The following RIMS2 variants were observed in gnomAD, a reference collection of about 807,000 sequenced individuals.
RIMS2 encodes the protein regulating synaptic membrane exocytosis protein 2.
A neutral mutation model predicts 174.4 loss-of-function variants in RIMS2; 59 were observed. The observed-to-expected ratio is 0.34, with a 90% confidence interval of 0.27 to 0.42. The LOEUF (loss-of-function observed/expected upper bound fraction) is 0.42. Ranked by LOEUF, RIMS2 falls within the 10% of genes least tolerant of loss-of-function variation. The pLI is 1.00. For missense variants in RIMS2, 1,620 were observed against 1,666.3 expected, an observed-to-expected ratio of 0.97 and a Z score of 0.48; for synonymous variants, 606 against 572.5, an observed-to-expected ratio of 1.06 and a Z score of -0.84.
chr8:103,576,518 A>G (rs995573094), intron 1 of RIMS2, among the ~76,000 whole-genome samples: 5 of 152,360 alleles, frequency 3.3e-5, no homozygotes, highest in South Asian at 2.1e-4. Context: ...CGAGACAGCC[A>G]TATGTGAACT....
chr8:103,539,176 C>G (rs1408708915), intron 1 of RIMS2, among the ~76,000 whole-genome samples: 1 of 152,148 alleles, frequency 6.6e-6, no homozygotes, highest in Non-Finnish European at 1.5e-5. Context: ...AGCCACTGCT[C>G]TCCAGCTTGA....
chr8:104,155,907 G>A (rs1441562002), intron 19 of RIMS2, among the ~76,000 whole-genome samples: 1 of 152,096 alleles, frequency 6.6e-6, no homozygotes, highest in Non-Finnish European at 1.5e-5. Flanking sequence ...AAAATTCTAA[G>A]TTATCAAAAA....
At chr8:103,995,703 G>T (rs1205457340) in intron 17 of RIMS2, among the ~76,000 whole-genome samples, 1 of 151,976 alleles carries the variant, frequency 6.6e-6, no homozygotes, top group Admixed American at 6.6e-5. Flanking sequence ...TTTTAGTAAG[G>T]TACCTATGTG....
At chr8:103,895,058 A>G (rs2099269596) in intron 4 of RIMS2, among the ~76,000 whole-genome samples, 1 of 151,090 alleles carries the variant, frequency 6.6e-6, no homozygotes, top group African/African-American at 2.4e-5. Context: ...CTGGACATTT[A>G]TTTTCTTCAG....
intron 19 of RIMS2, among the ~76,000 whole-genome samples, chr8:104,213,736 G>A (rs190084337): frequency 3.9e-5 from 6 of 152,150 alleles, no homozygotes; most frequent in Non-Finnish European, 8.8e-5. Flanking sequence ...AATTAGTTGG[G>A]CGTGGTGGCA....
chr8:104,135,015 A>C (rs1268973917), intron 19 of RIMS2, among the ~76,000 whole-genome samples: 1 of 152,044 alleles, frequency 6.6e-6, no homozygotes, highest in Non-Finnish European at 1.5e-5. Context: ...GGTGCAAAAA[A>C]AATTTGAAAT....
chr8:103,661,278 T>A (rs925492105), intron 1 of RIMS2, among the ~76,000 whole-genome samples: 2 of 152,218 alleles, frequency 1.3e-5, no homozygotes, highest in Non-Finnish European at 2.9e-5. Flanking sequence ...AGTTTTACTA[T>A]TGATGTGCGT....
rs2093705378 is a variant in RIMS2 at position 103,583,087 on chromosome 8, C to G, written c.176+82025C>G. 3.3e-5 allele frequency among the ~76,000 whole-genome samples: 5 copies of G among 152,170 alleles called. No homozygotes were observed. The South Asian group carries it at 1.0e-3, about 32-fold the overall frequency. On this transcript the variant is annotated intron_variant, in intron 1 of 23. Transcript: ENST00000504942. Reference sequence around the variant, plus strand: ...ACCCTCAGCTTTAGGTGGCTCAGAACACAGAGAGAGACACTTTATGTTTGG... The same window carrying G: ...ACCCTCAGCTTTAGGTGGCTCAGAAGACAGAGAGAGACACTTTATGTTTGG...
chr8:104,183,504 C>T lies in RIMS2; in HGVS notation c.3335-61412C>T, dbSNP rs575609525. 1.1e-4 allele frequency among the ~76,000 whole-genome samples: 17 copies of T among 151,404 alleles called. 1 individual carries two copies. Among genetic ancestry groups the T allele is most frequent in the Non-Finnish European group, 2.2e-4 (15 of 67,684 alleles). ...TAATAAGATTGACATTCAAACTAGA[C>T]AATTTTGAATACTAAAATACCAGTA... On this transcript the variant is annotated intron_variant, in intron 19 of 23. Transcript: ENST00000504942.
intron 3 of RIMS2, among the ~76,000 whole-genome samples, chr8:103,829,642 T>C (rs1238338025): frequency 6.6e-6 from 1 of 152,194 alleles, no homozygotes; most frequent in East Asian, 1.9e-4. Context: ...CACTTACAAG[T>C]GGGAGCTAAG....
intron 19 of RIMS2, among the ~76,000 whole-genome samples, chr8:104,076,878 G>A (rs1468998426): frequency 2.7e-5 from 4 of 150,160 alleles, no homozygotes; most frequent in Non-Finnish European, 4.4e-5. Flanking sequence ...GAGCAGTGGC[G>A]TGATCTCAGG....
At chr8:104,084,568 G>A (rs1018885538) in intron 19 of RIMS2, among the ~76,000 whole-genome samples, 2 of 151,088 alleles carry the variant, frequency 1.3e-5, no homozygotes, top group East Asian at 1.9e-4. Flanking sequence ...ATGCCCTTTC[G>A]TTTTTTGTTT....
chr8:104,080,137 G>C (rs141919610), intron 19 of RIMS2, among the ~76,000 whole-genome samples: 230 of 152,072 alleles, frequency 1.5e-3, no homozygotes, highest in African/African-American at 5.3e-3. Flanking sequence ...CTTTGGTTAT[G>C]CCATTCATGT....
Position 104,249,601 on chromosome 8 carries a change from G to T in RIMS2, c.3691+13G>T. On this transcript the variant is annotated intron_variant, in intron 22 of 23. Transcript: ENST00000504942. The stretch of plus-strand genomic sequence containing the variant: ...AAGACACTGCCAGGTAAAAACAAAA[G>T]AGATTTTTCTATTATTGTCCATAAT... The T allele has an allele frequency of 7.0e-7, 1 of 1,430,284 alleles. No homozygotes were observed. The highest frequency in any genetic ancestry group is 9.9e-7 in the Non-Finnish European group (1 of 1,013,352). 88.6% of individuals were successfully genotyped at this position (1,430,284 alleles called of 1,614,324 possible). A position where few individuals can be genotyped will look rare whatever the true frequency, so the allele number is the denominator to read the frequency against.
At chr8:103,630,455 CAGTTTT>C (rs1225463823) in intron 1 of RIMS2, among the ~76,000 whole-genome samples, 4 of 151,322 alleles carry the variant, frequency 2.6e-5, no homozygotes, top group Non-Finnish European at 4.4e-5. Context: ...TGAATAAAGG[CAGTTTT>C]AGAAACAGAT....
intron 3 of RIMS2, among the ~76,000 whole-genome samples, chr8:103,812,067 A>C (rs564214270): frequency 2.3e-4 from 35 of 152,198 alleles, no homozygotes; most frequent in Non-Finnish European, 4.4e-4. Context: ...AAATGCTATA[A>C]AATGTTTTTG....
At chr8:103,789,197 G>A (rs1421571847) in intron 3 of RIMS2, among the ~76,000 whole-genome samples, 2 of 152,008 alleles carry the variant, frequency 1.3e-5, no homozygotes, top group Non-Finnish European at 2.9e-5. Flanking sequence ...GATGAACCCG[G>A]TACCTCAGAT....
At chr8:103,504,961 C>T (rs764776229) in intron 1 of RIMS2, among the ~76,000 whole-genome samples, 23 of 150,238 alleles carry the variant, frequency 1.5e-4, no homozygotes, top group Non-Finnish European at 3.0e-4. Flanking sequence ...AAGCGATTCT[C>T]TCACCTCAGC....
chr8:104,246,515 C>T (rs866465309), intron 20 of RIMS2, among the ~76,000 whole-genome samples: 2 of 151,826 alleles, frequency 1.3e-5, no homozygotes, highest in African/African-American at 2.4e-5. Flanking sequence ...ATAGAGAAGA[C>T]AAACAATAAG....
Sources: allele counts gnomAD v4.1 joint callset (sites outside exome capture counted in the v4.1 genomes callset), GRCh38; gene constraint gnomAD v4.1.1; transcripts MANE v1.5; gene names NCBI Gene and HGNC (gene_info 2026-07-23, HGNC 2026-07-21).